The following PRKG1 variants were observed in gnomAD, a reference collection of about 807,000 sequenced individuals.
The protein encoded by PRKG1 is protein kinase cGMP-dependent 1, also known as cGMP-dependent protein kinase 1.
A neutral mutation model predicts 88.1 loss-of-function variants in PRKG1; 35 were observed. That is an observed-to-expected ratio of 0.40 (90% CI 0.30 to 0.53). The LOEUF (loss-of-function observed/expected upper bound fraction) is 0.53. Ranked by LOEUF, PRKG1 falls within the 20% of genes least tolerant of loss-of-function variation. The probability of loss-of-function intolerance (pLI) is 0.59; values close to 1 mark genes in which losing one functional copy is unlikely to be tolerated. For synonymous variants in PRKG1, 303 were observed against 292.5 expected, an observed-to-expected ratio of 1.04 and a Z score of -0.37; for missense variants, 540 against 839.8, an observed-to-expected ratio of 0.64 and a Z score of 4.41.
chr10:51,249,376 G>A (rs2132138223), intron 2 of PRKG1, among the ~76,000 whole-genome samples: 1 of 151,932 alleles, frequency 6.6e-6, no homozygotes, highest in Non-Finnish European at 1.5e-5. Flanking sequence ...GAACATGTGA[G>A]AACATGTGAA....
chr10:51,065,895 A>G (rs915598507), intron 1 of PRKG1, among the ~76,000 whole-genome samples: 1 of 152,158 alleles, frequency 6.6e-6, no homozygotes. Flanking sequence ...ATAATTATGC[A>G]TTGTGATAAA....
At chr10:52,266,040 A>G (rs1360875509) in intron 10 of PRKG1, among the ~76,000 whole-genome samples, 1 of 151,970 alleles carries the variant, frequency 6.6e-6, no homozygotes, top group African/African-American at 2.4e-5. Flanking sequence ...AGCATCCATA[A>G]TCTTTGTTTT....
chr10:51,966,732 C>T (rs112594115), intron 5 of PRKG1, among the ~76,000 whole-genome samples: 2,991 of 152,236 alleles, frequency 0.02, 93 homozygotes, highest in African/African-American at 0.068. Flanking sequence ...ATGCCAGCAG[C>T]GCCCTGGTGT....
chr10:51,770,526 C>T (rs1053694889), intron 3 of PRKG1, among the ~76,000 whole-genome samples: 1 of 152,156 alleles, frequency 6.6e-6, no homozygotes, highest in South Asian at 2.1e-4. Flanking sequence ...AATACCAGCC[C>T]GTAGCCTCTT....
chr10:52,087,561 T>C (rs1025661557), intron 7 of PRKG1, among the ~76,000 whole-genome samples: 2 of 152,198 alleles, frequency 1.3e-5, no homozygotes, highest in Non-Finnish European at 2.9e-5. Context: ...AGATTTAAAG[T>C]CATAGTCAGA....
chr10:51,756,280 A>G (rs1388176325), intron 3 of PRKG1, among the ~76,000 whole-genome samples: 3 of 152,100 alleles, frequency 2.0e-5, no homozygotes, highest in Non-Finnish European at 4.4e-5. Flanking sequence ...TAAGGCCAGG[A>G]CTTTGAAACC....
At chr10:51,687,366 C>T (rs1214692775) in intron 3 of PRKG1, among the ~76,000 whole-genome samples, 4 of 152,144 alleles carry the variant, frequency 2.6e-5, no homozygotes, top group African/African-American at 9.7e-5. Context: ...CTTTTTGACA[C>T]TTTAGAATAC....
At chr10:51,392,745 C>T (rs1481610197) in intron 2 of PRKG1, among the ~76,000 whole-genome samples, 2 of 142,770 alleles carry the variant, frequency 1.4e-5, no homozygotes, top group Non-Finnish European at 3.2e-5. Context: ...GACGGGGCGG[C>T]TGGCCGGGCG....
At chr10:51,096,392 T>G (rs1844529754) in intron 1 of PRKG1, among the ~76,000 whole-genome samples, 1 of 152,188 alleles carries the variant, frequency 6.6e-6, no homozygotes, top group Non-Finnish European at 1.5e-5. Context: ...GCACTCCTAC[T>G]AGCCTCATGG....
chr10:51,016,692 T>TTTTTTTTTTTTTTTTTTTTTTTTTC (rs1554830040), intron 1 of PRKG1, among the ~76,000 whole-genome samples: 1 of 133,244 alleles, frequency 7.5e-6, no homozygotes, highest in African/African-American at 2.9e-5. Flanking sequence ...TTTTTTTTTT[T>TTTTTTTTTTTTTTTTTTTTTTTTTC]GGAATCTTGC....
At chr10:51,362,810 G>T (rs1041229318) in intron 2 of PRKG1, among the ~76,000 whole-genome samples, 1 of 151,728 alleles carries the variant, frequency 6.6e-6, no homozygotes. Context: ...CCTGGTGTGT[G>T]ACGTTTCCTT....
Position 51,707,669 on chromosome 10 carries a change from T to C in PRKG1, c.593-96916T>C, listed in dbSNP as rs139647549. Among the ~76,000 whole-genome samples the C allele has an allele frequency of 1.7e-3, 254 of 152,274 alleles. 1 individual carries two copies. Among genetic ancestry groups the C allele is most frequent in the African/African-American group, 5.4e-3 (226 of 41,548 alleles). ...GTAAACTGCCACTCACTTCAGAAATTTGGCTAGTATATCTCTTCTGAGGCT... is the reference window on the plus strand; with the variant it reads ...GTAAACTGCCACTCACTTCAGAAATCTGGCTAGTATATCTCTTCTGAGGCT... On this transcript the variant is annotated intron_variant, in intron 3 of 17. Coordinates refer to ENST00000373980, the MANE Select transcript of PRKG1 (RefSeq NM_006258.4).
chr10:52,089,879 A>G (rs1847010381), intron 7 of PRKG1, among the ~76,000 whole-genome samples: 1 of 135,408 alleles, frequency 7.4e-6, no homozygotes, highest in Admixed American at 9.0e-5. Flanking sequence ...GAGTGGCACA[A>G]TCTCGGCTCA....
At chr10:51,044,716 C>G (rs1000114937) in intron 1 of PRKG1, among the ~76,000 whole-genome samples, 3 of 151,986 alleles carry the variant, frequency 2.0e-5, no homozygotes, top group African/African-American at 7.2e-5. Flanking sequence ...TGTCATAGCA[C>G]CTTAGGAAGT....
intron 3 of PRKG1, among the ~76,000 whole-genome samples, chr10:51,768,428 A>G (rs1038549236): frequency 6.6e-6 from 1 of 152,150 alleles, no homozygotes; most frequent in African/African-American, 2.4e-5. Flanking sequence ...GCTAAAATAT[A>G]TGTTTTATAG....
In PRKG1 at chr10:52,079,459, T is replaced by C. The variant is rs1419199810; in HGVS notation, c.935+16828T>C. 7.9e-5 allele frequency among the ~76,000 whole-genome samples: 12 copies of C among 152,186 alleles called. No homozygotes were observed. In the East Asian group the frequency reaches 2.3e-3, roughly 29 times the overall value. ...TTGGGGTCAGACAGATATGTCCATA[T>C]GAAGCCTGCACATCTCCTTCTAGAT... On this transcript the variant is annotated intron_variant, in intron 7 of 17. Transcript: ENST00000373980.
At chr10:51,008,577 T>C (rs1842962383) in intron 1 of PRKG1, among the ~76,000 whole-genome samples, 1 of 152,218 alleles carries the variant, frequency 6.6e-6, no homozygotes, top group Admixed American at 6.5e-5. Flanking sequence ...ATGGTTGTCT[T>C]TTCTCTGTGA....
At chr10:52,224,836 T>TATATATATATATATATATAC (rs1457134141) in intron 9 of PRKG1, among the ~76,000 whole-genome samples, 153 of 89,736 alleles carry the variant, frequency 1.7e-3, no homozygotes, top group South Asian at 5.7e-3. Flanking sequence ...TATATATATA[T>TATATATATATATATATATAC]ATACATACAT....
intron 1 of PRKG1, among the ~76,000 whole-genome samples, chr10:51,087,656 C>G (rs1456329729): frequency 6.6e-6 from 1 of 152,042 alleles, no homozygotes. Flanking sequence ...TACTGTATAC[C>G]CATACTCATG....
Sources: allele counts gnomAD v4.1 joint callset (sites outside exome capture counted in the v4.1 genomes callset), GRCh38; gene constraint gnomAD v4.1.1; transcripts MANE v1.5; gene names NCBI Gene and HGNC (gene_info 2026-07-23, HGNC 2026-07-21).